ATP6V0A4: variants seen among roughly 807,000 people sequenced by gnomAD.
ATP6V0A4 encodes ATPase H+ transporting V0 subunit a4.
Under a neutral mutation model 107.3 loss-of-function variants are expected in ATP6V0A4, and 86 were observed. That is an observed-to-expected ratio of 0.80 (90% CI 0.67 to 0.96). The LOEUF is 0.96. Ranked by LOEUF, ATP6V0A4 falls within the 40% of genes least tolerant of loss-of-function variation. The pLI, the probability that ATP6V0A4 is intolerant of heterozygous loss-of-function variation, is 0.00. For missense variants in ATP6V0A4, 908 were observed against 1,045.6 expected (o/e 0.87, Z 1.81); for synonymous variants, 353 against 381.4 (o/e 0.93, Z 0.87).
In ATP6V0A4 at chr7:138,747,483, G is replaced by A. The variant is rs1806009774; in HGVS notation, c.1262C>T (p.Ala421Val). The stretch of plus-strand genomic sequence containing the variant: ...CTCATTCAGAATCATCCAAAGTGCA[G>A]CCAGGAGCATCACGGTTCCATGACC... ...DCGHGTVMLL[A>V]ALWMILNERR... Residue 421 changes from alanine (A) to valine (V), a missense_variant, in exon 13 of 22, where the codon GCT (alanine) becomes GTT (valine). Ala to Val is a moderately conservative substitution (Grantham distance 64, BLOSUM62 0). Transcript: ENST00000310018. The A allele has an allele frequency of 6.2e-7, 1 of 1,614,082 alleles. No individual in the cohort carries two copies. Among genetic ancestry groups the A allele is most frequent in the Non-Finnish European group, 8.5e-7 (1 of 1,180,030 alleles).
chr7:138,795,298 T>C (rs541180566), intron 1 of ATP6V0A4, among the ~76,000 whole-genome samples: 6 of 152,238 alleles, frequency 3.9e-5, no homozygotes, highest in Middle Eastern at 3.4e-3. Context: ...CGACATCACA[T>C]AACAATGATA....
chr7:138,730,808 G>A (rs1190183857), intron 17 of ATP6V0A4, among the ~76,000 whole-genome samples: 1 of 152,112 alleles, frequency 6.6e-6, no homozygotes, highest in Non-Finnish European at 1.5e-5. Flanking sequence ...TTCTGGGGAT[G>A]GCTCATGGTT....
chr7:138,777,860 G>A (rs1005750153), intron 2 of ATP6V0A4, among the ~76,000 whole-genome samples: 2 of 152,144 alleles, frequency 1.3e-5, no homozygotes, highest in Non-Finnish European at 2.9e-5. Context: ...GGGTTTTCTT[G>A]TTACTTCCTA....
At chr7:138,715,719 G>A in intron 20 of ATP6V0A4, 45 bp downstream of exon 20, 1 of 1,598,586 alleles carries the variant, frequency 6.3e-7, no homozygotes, top group East Asian at 2.2e-5. Flanking sequence ...ATTTCCTGGG[G>A]TGTTGGGGAG....
Position 138,773,037 on chromosome 7 carries a change from T to A in ATP6V0A4, c.-17-1773A>T, listed in dbSNP as rs1341963024. Among the ~76,000 whole-genome samples, 1 of 152,150 alleles carries A rather than the reference T, an allele frequency of 6.6e-6. No homozygotes were observed. The highest frequency in any genetic ancestry group is 1.5e-5 in the Non-Finnish European group (1 of 68,024). ...CCCTACTGCTGCCAAATCACACTTTTTCCCCCCAGGTCAACCTTCTGGAAG... is the reference window on the plus strand; with the variant it reads ...CCCTACTGCTGCCAAATCACACTTTATCCCCCCAGGTCAACCTTCTGGAAG... On this transcript the variant is annotated intron_variant, in intron 2 of 21. Transcript: ENST00000310018. The surrounding 1 kb of genome is among the most constrained non-coding windows in gnomAD (Gnocchi z 5.4).
intron 1 of ATP6V0A4, among the ~76,000 whole-genome samples, chr7:138,795,823 T>G (rs1352340196): frequency 6.6e-6 from 1 of 151,966 alleles, no homozygotes; most frequent in African/African-American, 2.4e-5. Flanking sequence ...TTGTGTTTTT[T>G]TTTGTTTGTT....
intron 19 of ATP6V0A4, among the ~76,000 whole-genome samples, chr7:138,716,841 G>A (rs975766652): frequency 2.0e-5 from 3 of 152,190 alleles, no homozygotes; most frequent in African/African-American, 7.2e-5. Context: ...TGGGATTACA[G>A]GTGTGAGCCA....
chr7:138,788,565 G>C (rs764494412), intron 1 of ATP6V0A4, among the ~76,000 whole-genome samples: 13 of 152,152 alleles, frequency 8.5e-5, no homozygotes, highest in Non-Finnish European at 1.5e-4. Context: ...AGCAGGACAG[G>C]TCAAATGCAG....
At chr7:138,745,466 G>T (rs1805867134) in intron 13 of ATP6V0A4, 186 bp from the exon 14 acceptor site, 2 of 347,204 alleles carry the variant, frequency 5.8e-6, no homozygotes, top group Non-Finnish European at 8.1e-6. Flanking sequence ...GAACATATAG[G>T]TGCACCAAAA....
rs1290500253 is a variant in ATP6V0A4 at position 138,755,940 on chromosome 7, TA to T, written c.723-159del. 1.1e-5 allele frequency: 15 copies of T among 1,355,404 alleles called. No homozygotes were observed. In the Admixed American group the frequency reaches 3.0e-4, roughly 27 times the overall value. The allele number at this position is 1,355,404 out of a possible 1,614,324, so 84.0% of individuals were successfully genotyped here. On this transcript the variant is annotated intron_variant, in intron 9 of 21. Coordinates refer to ENST00000310018, the MANE Select transcript of ATP6V0A4 (RefSeq NM_020632.3). ...GCCACTGGAAAAGGAGTCCCAGTCATAAGGGTTCCCAGTACGTCACTTGTGC... is the reference window on the plus strand; with the variant it reads ...GCCACTGGAAAAGGAGTCCCAGTCATAGGGTTCCCAGTACGTCACTTGTGC...
chr7:138,713,777 A>G (rs1323835597), intron 20 of ATP6V0A4, among the ~76,000 whole-genome samples: 1 of 152,054 alleles, frequency 6.6e-6, no homozygotes, highest in Non-Finnish European at 1.5e-5. Context: ...AAACACACAG[A>G]GGGGCCCAGG....
chr7:138,775,599 C>T (rs1019194958), intron 2 of ATP6V0A4, among the ~76,000 whole-genome samples: 9 of 151,604 alleles, frequency 5.9e-5, no homozygotes, highest in Non-Finnish European at 1.3e-4. Context: ...ACCTCAGCCT[C>T]CTGAGTAGCT....
At chr7:138,751,274 G>A (rs973440501) in intron 11 of ATP6V0A4, among the ~76,000 whole-genome samples, 16 of 152,210 alleles carry the variant, frequency 1.1e-4, no homozygotes, top group Admixed American at 5.2e-4. Context: ...CGGCCCTGCT[G>A]CTTCACTCTG....
rs748050025 is a variant in ATP6V0A4 at position 138,747,553 on chromosome 7, TGGTGTAGGG to T, written c.1183_1191del (p.Pro395_Thr397del). 1 of 1,614,040 alleles carries T rather than the reference TGGTGTAGGG, an allele frequency of 6.2e-7. No homozygotes were observed. Among genetic ancestry groups the T allele is most frequent in the South Asian group, 1.1e-5 (1 of 91,064 alleles). On this transcript the variant is annotated inframe_deletion and splice_region_variant, in exon 13 of 22. Coordinates refer to ENST00000310018, the MANE Select transcript of ATP6V0A4 (RefSeq NM_020632.3). ...GCGAACAGGAAGGGGAAAGTGATGA[TGGTGTAGGG>T]GGCTGCGGAGGGGAGACACACAACG...
rs376872216 is a variant in ATP6V0A4 at position 138,707,979 on chromosome 7, TCA to T, written c.2430-1264_2430-1263del. Among the ~76,000 whole-genome samples the T allele has an allele frequency of 3.2e-3, 484 of 152,190 alleles. 3 individuals are homozygous for T. Among genetic ancestry groups the T allele is most frequent in the African/African-American group, 0.011 (467 of 41,518 alleles). On this transcript the variant is annotated intron_variant, in intron 21 of 21. Coordinates refer to ENST00000310018, the MANE Select transcript of ATP6V0A4 (RefSeq NM_020632.3). ...GACCCTTGACCTGTATTTTTGTAAC[TCA>T]CATAACTGATACCATGTCGGATGAT...
intron 3 of ATP6V0A4, among the ~76,000 whole-genome samples, chr7:138,770,862 T>C (rs2117336991): frequency 6.6e-6 from 1 of 152,316 alleles, no homozygotes. Flanking sequence ...AAAAATTCAA[T>C]GACATCTAAT....
intron 19 of ATP6V0A4, among the ~76,000 whole-genome samples, chr7:138,717,244 G>A (rs1487262218): frequency 6.6e-6 from 1 of 152,170 alleles, no homozygotes; most frequent in Non-Finnish European, 1.5e-5. Context: ...CAGGAGGATG[G>A]AGGAGATCAA....
chr7:138,762,217 G>C (rs1462755126), intron 7 of ATP6V0A4, 123 bp downstream of exon 7: 1 of 1,279,196 alleles, frequency 7.8e-7, no homozygotes, highest in Non-Finnish European at 1.1e-6. Context: ...TCGCTTGGCA[G>C]AGGCTTTGCA....
chr7:138,797,493 C>T (rs893178815), intron 1 of ATP6V0A4, among the ~76,000 whole-genome samples: 2 of 151,908 alleles, frequency 1.3e-5, no homozygotes, highest in African/African-American at 4.8e-5. Flanking sequence ...GCTGGGACTA[C>T]AGGGTGAGCC....
Sources: gnomAD v4.1 joint callset for allele counts (sites outside exome capture counted in the v4.1 genomes callset) on GRCh38, gnomAD v4.1.1 for gene constraint, Gnocchi (gnomAD v3.1) non-coding constraint, MANE v1.5 for transcripts, NCBI Gene and HGNC (gene_info 2026-07-23, HGNC 2026-07-21) for gene names.